ABL2: variants seen among roughly 807,000 people sequenced by gnomAD.
ABL2 encodes the protein tyrosine-protein kinase ABL2.
In ABL2, 49 loss-of-function variants were observed where a neutral mutation model predicts 107.7. That is an observed-to-expected ratio of 0.45 (90% confidence interval 0.36 to 0.58). The LOEUF (loss-of-function observed/expected upper bound fraction) is 0.58. ABL2 is among the 20% of genes least tolerant of loss of function. ABL2 has a pLI of 0.00. For missense variants in ABL2, 1,245 were observed against 1,457.0 expected, an observed-to-expected ratio of 0.85 and a Z score of 2.37; for synonymous variants, 549 against 548.6, an observed-to-expected ratio of 1.00 and a Z score of -0.01.
At chr1:179,132,846 T>C (rs911743431) in intron 2 of ABL2, among the ~76,000 whole-genome samples, 1 of 134,206 alleles carries the variant, frequency 7.5e-6, no homozygotes, top group Non-Finnish European at 1.6e-5. Flanking sequence ...CCGGCTGACT[T>C]ATTCCCCGTC....
intron 1 of ABL2, among the ~76,000 whole-genome samples, chr1:179,208,480 T>C (rs1379943381): frequency 6.6e-6 from 1 of 152,222 alleles, no homozygotes; most frequent in Non-Finnish European, 1.5e-5. Flanking sequence ...AAGGACATGA[T>C]TTTGTTCTTT....
At chr1:179,110,642 C>A in intron 10 of ABL2, 187 bp from the exon 11 acceptor site, 1 of 1,525,482 alleles carries the variant, frequency 6.6e-7, no homozygotes, top group South Asian at 1.3e-5. Context: ...GTAGATTCGT[C>A]CACGCTGCTG....
At chr1:179,227,849 G>A (rs1455569146) in intron 1 of ABL2, among the ~76,000 whole-genome samples, 1 of 151,542 alleles carries the variant, frequency 6.6e-6, no homozygotes, top group African/African-American at 2.4e-5. Flanking sequence ...TCAGGCGTTC[G>A]AGACCAGCCT....
chr1:179,154,589 G>A (rs1188598184), intron 1 of ABL2, among the ~76,000 whole-genome samples: 1 of 152,200 alleles, frequency 6.6e-6, no homozygotes, highest in Non-Finnish European at 1.5e-5. Flanking sequence ...GGGGCTTGAG[G>A]CCAAACCTAC....
chr1:179,207,907 T>A (rs1290602683), intron 1 of ABL2, among the ~76,000 whole-genome samples: 1 of 152,194 alleles, frequency 6.6e-6, no homozygotes, highest in African/African-American at 2.4e-5. Flanking sequence ...AAATGCTTCA[T>A]GAATTATTAG....
At chr1:179,112,728 T>C (rs1654209233) in intron 9 of ABL2, among the ~76,000 whole-genome samples, 1 of 151,552 alleles carries the variant, frequency 6.6e-6, no homozygotes, top group African/African-American at 2.4e-5. Context: ...TAGCTGGGAC[T>C]ATGGGTGTGC....
In ABL2 at chr1:179,120,313, G is replaced by A. The variant is rs146378610; in HGVS notation, c.961-39C>T. 3.5e-5 allele frequency: 46 copies of A among 1,305,346 alleles called. No individual in the cohort carries two copies. The East Asian group carries it at 6.0e-4, about 17-fold the overall frequency. The allele number at this position is 1,305,346 out of a possible 1,614,324, so 80.9% of individuals were successfully genotyped here. ...AAGGTAAGAAAGAAGAAAACGAGAG[G>A]GACAAACCCTCAACTTAAAATCATT... is the stretch of plus-strand genomic sequence containing the variant. On this transcript the variant is annotated intron_variant, in intron 5 of 11. Transcript: ENST00000502732.
chr1:179,222,168 G>C (rs566705129), intron 1 of ABL2: 1 of 156,838 alleles, frequency 6.4e-6, no homozygotes, highest in Admixed American at 6.4e-5. Flanking sequence ...GATACTCTGC[G>C]GAAAGTGTTA....
At position 179,118,871 on chromosome 1, in the gene ABL2, A is replaced by G. The variant is rs963092364; in HGVS notation, c.1046-107T>C. ...ATTTTTCAGGTCTAGTTCGGCAATA[A>G]TCTTTTCCCTTCTTACCACCACGTT... On this transcript the variant is annotated intron_variant, in intron 6 of 11. Transcript: ENST00000502732. 2.5e-6 allele frequency: 3 copies of G among 1,216,264 alleles called. No individual in the cohort carries two copies. In the African/African-American group the frequency reaches 4.6e-5, roughly 18 times the overall value. The allele number at this position is 1,216,264 out of a possible 1,614,324, so 75.3% of individuals were successfully genotyped here.
At chr1:179,201,644 C>G (rs905133756) in intron 1 of ABL2, 1 of 483,838 alleles carries the variant, frequency 2.1e-6, no homozygotes, top group Non-Finnish European at 3.8e-6. Flanking sequence ...AAGAGTCTTC[C>G]TTTCGGGATA....
intron 1 of ABL2, among the ~76,000 whole-genome samples, chr1:179,198,085 G>A (rs1661426954): frequency 6.8e-6 from 1 of 147,818 alleles, no homozygotes; most frequent in Non-Finnish European, 1.5e-5. Flanking sequence ...AAGTGCGACG[G>A]TCCCCTGAGC....
At chr1:179,165,470 CT>C (rs1557968251) in intron 1 of ABL2, among the ~76,000 whole-genome samples, 1 of 151,792 alleles carries the variant, frequency 6.6e-6, no homozygotes, top group East Asian at 1.9e-4. Context: ...TTTCCATTTG[CT>C]TTTTGTGCAG....
At chr1:179,157,707 CTTTT>C (rs11411364) in intron 1 of ABL2, among the ~76,000 whole-genome samples, 3 of 142,684 alleles carry the variant, frequency 2.1e-5, no homozygotes, top group African/African-American at 7.8e-5. Context: ...ATTACAGAAT[CTTTT>C]TTTTTTTTTT....
chr1:179,124,835 C>T (rs1044162445), intron 4 of ABL2, among the ~76,000 whole-genome samples: 7 of 152,144 alleles, frequency 4.6e-5, no homozygotes, highest in African/African-American at 1.2e-4. Flanking sequence ...TTCCACCCAA[C>T]TTTTAAAAAT....
At chr1:179,147,862 TAGAG>T (rs1259832357) in intron 1 of ABL2, among the ~76,000 whole-genome samples, 1 of 152,128 alleles carries the variant, frequency 6.6e-6, no homozygotes, top group Admixed American at 6.5e-5. Flanking sequence ...AAAAAAGCAA[TAGAG>T]AGACCTCAGC....
intron 1 of ABL2, among the ~76,000 whole-genome samples, chr1:179,175,870 G>A (rs1435842941): frequency 2.9e-4 from 43 of 146,854 alleles, no homozygotes; most frequent in African/African-American, 1.1e-3. Context: ...TTTTTGAGGA[G>A]GGGTGTACGA....
chr1:179,203,770 G>A lies in ABL2; in HGVS notation c.157+25471C>T, dbSNP rs1402357036. Among the ~76,000 whole-genome samples, 5 of 152,060 alleles carry A rather than the reference G, an allele frequency of 3.3e-5. No individual in the cohort carries two copies. The South Asian group carries it at 8.3e-4, about 25-fold the overall frequency. The stretch of plus-strand genomic sequence containing the variant: ...TTGTCAAATTACGTGCCAGTATCAC[G>A]CTGTTTTAAATACTGCATTTTTATA... On this transcript the variant is annotated intron_variant, in intron 1 of 11. Coordinates refer to ENST00000502732, the MANE Select transcript of ABL2 (RefSeq NM_007314.4).
chr1:179,123,034 C>G (rs578044773), intron 4 of ABL2, among the ~76,000 whole-genome samples: 166 of 152,248 alleles, frequency 1.1e-3, no homozygotes, highest in South Asian at 2.1e-3. Flanking sequence ...ATACCCTGAT[C>G]AAAGTAGGCA....
intron 1 of ABL2, among the ~76,000 whole-genome samples, chr1:179,191,184 G>A (rs1278155793): frequency 6.6e-6 from 1 of 152,146 alleles, no homozygotes; most frequent in Non-Finnish European, 1.5e-5. Context: ...ACCAATACTA[G>A]ACTAATGGTC....
Sources: allele counts gnomAD v4.1 joint callset (sites outside exome capture counted in the v4.1 genomes callset), GRCh38; gene constraint gnomAD v4.1.1; transcripts MANE v1.5; gene names NCBI Gene and HGNC (gene_info 2026-07-23, HGNC 2026-07-21).